Variants in GNB4 observed in about 807,000 individuals in gnomAD.
The protein encoded by GNB4 is G protein subunit beta 4.
In GNB4, 28 loss-of-function variants were observed where a neutral mutation model predicts 45.2. The ratio of observed to expected loss-of-function variants is 0.62; its 90% CI spans 0.46 to 0.85. The LOEUF is 0.85. Among genes scored for constraint, GNB4 ranks in the 40% least tolerant of loss-of-function variants. The pLI, the probability that GNB4 is intolerant of heterozygous loss-of-function variation, is 0.00. For synonymous variants in GNB4, 132 were observed against 143.7 expected, an observed-to-expected ratio of 0.92 and a Z score of 0.58; for missense variants, 321 against 425.4, an observed-to-expected ratio of 0.75 and a Z score of 2.16.
chr3:179,462,658 G>C, the GNB4 span, among the ~76,000 whole-genome samples: 1 of 152,088 alleles, frequency 6.6e-6, no homozygotes, highest in East Asian at 1.9e-4. Context: ...GGCCAATATG[G>C]TGAAATCCCG....
chr3:179,461,661 T>C, the GNB4 span, among the ~76,000 whole-genome samples: 1 of 152,212 alleles, frequency 6.6e-6, no homozygotes, highest in Non-Finnish European at 1.5e-5. Context: ...ATTTTCACAT[T>C]GACAATGATT....
chr3:179,421,895 AAG>A lies in GNB4; in HGVS notation c.58-970_58-969del, dbSNP rs569734378. On this transcript the variant is annotated intron_variant, in intron 2 of 9. Transcript: ENST00000232564. ...TAATGTAGCCCACTTTCCTATAATG[AAG>A]AGTTTCCAGAAATGACAGTGATGGG... is the stretch of plus-strand genomic sequence containing the variant. 2.5e-4 allele frequency among the ~76,000 whole-genome samples: 38 copies of A among 152,358 alleles called. No individual in the cohort carries two copies. In the South Asian group the frequency reaches 7.9e-3, roughly 32 times the overall value.
chr3:179,524,976 G>T, the GNB4 span, among the ~76,000 whole-genome samples: 1 of 152,064 alleles, frequency 6.6e-6, no homozygotes, highest in East Asian at 1.9e-4. Context: ...TTGGGACCTG[G>T]CTCGGCCTGG....
chr3:179,464,094 TA>T, the GNB4 span, among the ~76,000 whole-genome samples: 1 of 152,118 alleles, frequency 6.6e-6, no homozygotes, highest in Non-Finnish European at 1.5e-5. Flanking sequence ...TATACCTTTG[TA>T]AACCAAAAAT....
the GNB4 span, among the ~76,000 whole-genome samples, chr3:179,492,401 C>A: frequency 6.6e-6 from 1 of 152,164 alleles, no homozygotes; most frequent in Non-Finnish European, 1.5e-5. Context: ...GCATGCCAAA[C>A]CCTAGTGCCA....
chr3:179,416,584 G>A (rs768110773), intron 4 of GNB4, 28 bp from the exon 5 acceptor site: 2 of 1,439,062 alleles, frequency 1.4e-6, no homozygotes, highest in Non-Finnish European at 9.6e-7. Context: ...AAAATAATTT[G>A]ACACTTAGAG....
chr3:179,475,237 C>T, the GNB4 span, among the ~76,000 whole-genome samples: 2 of 152,016 alleles, frequency 1.3e-5, no homozygotes, highest in Non-Finnish European at 2.9e-5. Flanking sequence ...CCAACTTCAG[C>T]CTCCCAAGTA....
chr3:179,417,908 A>G (rs1714849515), intron 4 of GNB4, among the ~76,000 whole-genome samples: 2 of 152,134 alleles, frequency 1.3e-5, no homozygotes, highest in African/African-American at 4.8e-5. Context: ...CATCTAAAGA[A>G]AATTCTTTAG....
intron 1 of GNB4, among the ~76,000 whole-genome samples, chr3:179,436,799 G>GT (rs1483367606): frequency 2.6e-5 from 4 of 152,074 alleles, no homozygotes; most frequent in Non-Finnish European, 5.9e-5. Flanking sequence ...TTTTTATCTT[G>GT]TTTTTTGTTT....
Position 179,398,446 on chromosome 3 carries a change from C to G in GNB4, c.*2767G>C, listed in dbSNP as rs992559834. The G allele has an allele frequency of 2.0e-5, 3 of 151,142 alleles. No homozygotes were observed. The highest frequency in any genetic ancestry group is 1.3e-4 in the Admixed American group (2 of 15,120). 9.4% of individuals were successfully genotyped at this position (151,142 alleles called of 1,614,324 possible). A position where few individuals can be genotyped will look rare whatever the true frequency, so the allele number is the denominator to read the frequency against. On this transcript the variant is annotated 3_prime_UTR_variant, in exon 10 of 10. Coordinates refer to ENST00000232564, the MANE Select transcript of GNB4 (RefSeq NM_021629.4). ...ACAAGAATTGCTTGAACCCAGGAGGCAGAGGTTGAGGTTGCAATGAGCCAA... is the reference window on the plus strand; with the variant it reads ...ACAAGAATTGCTTGAACCCAGGAGGGAGAGGTTGAGGTTGCAATGAGCCAA...
the GNB4 span, among the ~76,000 whole-genome samples, chr3:179,496,132 C>A: frequency 6.6e-6 from 1 of 151,928 alleles, no homozygotes; most frequent in Non-Finnish European, 1.5e-5. Context: ...ATGATATCTA[C>A]AATTTTTTTA....
At chr3:179,466,382 G>T in the GNB4 span, among the ~76,000 whole-genome samples, 1 of 152,154 alleles carries the variant, frequency 6.6e-6, no homozygotes, top group Non-Finnish European at 1.5e-5. Flanking sequence ...TTGAGGCAGG[G>T]ATAGGTTCCT....
In GNB4 at chr3:179,415,875, C is replaced by T. The variant is rs1330223680; in HGVS notation, c.267+618G>A. 5.9e-4 allele frequency among the ~76,000 whole-genome samples: 90 copies of T among 152,076 alleles called. 1 individual carries two copies. Among genetic ancestry groups the T allele is most frequent in the Non-Finnish European group, 5.9e-5 (4 of 68,008 alleles). On this transcript the variant is annotated intron_variant, in intron 5 of 9. Transcript: ENST00000232564. ...CTCAATCAGGTTGAAATTATTATTT[C>T]ACAAAATGGTATTTTCAAATGTTTA...
At chr3:179,489,009 A>ATAT in the GNB4 span, among the ~76,000 whole-genome samples, 6 of 37,368 alleles carry the variant, frequency 1.6e-4, no homozygotes, top group African/African-American at 5.9e-4. Context: ...AAAAAAAAAA[A>ATAT]AAAAAAAAAA....
chr3:179,515,240 T>C, the GNB4 span, among the ~76,000 whole-genome samples: 1 of 152,246 alleles, frequency 6.6e-6, no homozygotes, highest in Non-Finnish European at 1.5e-5. Flanking sequence ...TATTGATTCA[T>C]TTAATCCTCA....
At chr3:179,423,203 C>T (rs1715045431) in intron 2 of GNB4, among the ~76,000 whole-genome samples, 1 of 152,096 alleles carries the variant, frequency 6.6e-6, no homozygotes, top group Admixed American at 6.6e-5. Context: ...GCACCTGCGC[C>T]CACGACATTG....
chr3:179,408,285 G>C lies in GNB4; in HGVS notation c.700-2879C>G, dbSNP rs565504141. ...AGGACAACAACGTCTGGGATGAAAAGTGCACTGGATGGGTTCACGGCCGAT... is the reference window on the plus strand; with the variant it reads ...AGGACAACAACGTCTGGGATGAAAACTGCACTGGATGGGTTCACGGCCGAT... On this transcript the variant is annotated intron_variant, in intron 8 of 9. Coordinates refer to ENST00000232564, the MANE Select transcript of GNB4 (RefSeq NM_021629.4). 2.9e-3 allele frequency among the ~76,000 whole-genome samples: 440 copies of C among 152,238 alleles called. 5 individuals carry two copies. The highest frequency in any genetic ancestry group is 0.01 in the African/African-American group (432 of 41,544).
At chr3:179,484,787 G>A in the GNB4 span, among the ~76,000 whole-genome samples, 1 of 151,468 alleles carries the variant, frequency 6.6e-6, no homozygotes, top group Non-Finnish European at 1.5e-5. Context: ...TGAGTTCAAT[G>A]TTAATCAATC....
chr3:179,414,832 C>A, intron 6 of GNB4, 53 bp downstream of exon 6: 1 of 1,437,786 alleles, frequency 7.0e-7, no homozygotes, highest in South Asian at 1.5e-5. Flanking sequence ...CCTTGATCAG[C>A]ACATTCCACA....
Sources: gnomAD v4.1 joint callset for allele counts (sites outside exome capture counted in the v4.1 genomes callset) on GRCh38, gnomAD v4.1.1 for gene constraint, MANE v1.5 for transcripts, NCBI Gene and HGNC (gene_info 2026-07-23, HGNC 2026-07-21) for gene names.